SMAD3: variants seen among roughly 807,000 people sequenced by gnomAD.
SMAD3 encodes MAD homolog 3.
Under a neutral mutation model 51.8 loss-of-function variants are expected in SMAD3, and 12 were observed. That is an observed-to-expected ratio of 0.23 (90% CI 0.15 to 0.38). The LOEUF (loss-of-function observed/expected upper bound fraction) is 0.38, where lower values mean the gene tolerates loss of function less well. Among genes scored for constraint, SMAD3 ranks in the 10% least tolerant of loss-of-function variants. SMAD3 has a pLI of 1.00. For missense variants in SMAD3, 294 were observed against 565.6 expected (o/e 0.52, Z 4.87); for synonymous variants, 238 against 227.7 (o/e 1.05, Z -0.41).
chr15:67,103,586 C>G (rs1960809601), intron 1 of SMAD3, among the ~76,000 whole-genome samples: 1 of 152,148 alleles, frequency 6.6e-6, no homozygotes, highest in African/African-American at 2.4e-5. Flanking sequence ...TCCCACTCAC[C>G]CTCCCTGGGC....
chr15:67,093,184 G>A (rs1373389263), intron 1 of SMAD3, among the ~76,000 whole-genome samples: 2 of 152,224 alleles, frequency 1.3e-5, no homozygotes, highest in Non-Finnish European at 2.9e-5. Flanking sequence ...CTGGCTCCCT[G>A]AGCTTGCTGT....
intron 4 of SMAD3, 68 bp downstream of exon 4, chr15:67,166,921 C>T (rs980152445): frequency 8.3e-5 from 104 of 1,250,736 alleles, no homozygotes; most frequent in Non-Finnish European, 1.1e-4. Flanking sequence ...CCCTTCCATC[C>T]CTTCCTCTTC....
chr15:67,154,756 G>A (rs926181970), intron 1 of SMAD3, among the ~76,000 whole-genome samples: 3 of 151,996 alleles, frequency 2.0e-5, no homozygotes, highest in Non-Finnish European at 2.9e-5. Flanking sequence ...ACTACTAATC[G>A]TAATATAATC....
chr15:67,077,415 G>C (rs1960194167), intron 1 of SMAD3, among the ~76,000 whole-genome samples: 1 of 152,162 alleles, frequency 6.6e-6, no homozygotes, highest in African/African-American at 2.4e-5. Flanking sequence ...TGAGGGAGAA[G>C]GTGCTACATA....
intron 1 of SMAD3, among the ~76,000 whole-genome samples, chr15:67,067,355 G>A (rs1959949039): frequency 6.6e-6 from 1 of 152,186 alleles, no homozygotes; most frequent in Admixed American, 6.5e-5. Flanking sequence ...CCTTAGCTTA[G>A]ATGTGCCTGG....
chr15:67,189,072 T>C (rs149042588), intron 8 of SMAD3, among the ~76,000 whole-genome samples: 212 of 152,320 alleles, frequency 1.4e-3, no homozygotes, highest in African/African-American at 4.9e-3. Context: ...GCCAGAGAAA[T>C]GTTTTAAGCA....
rs1482792699 is a variant in SMAD3 at position 67,100,306 on chromosome 15, G to T, written c.206+33946G>T. On this transcript the variant is annotated intron_variant, in intron 1 of 8. Coordinates refer to ENST00000327367, the MANE Select transcript of SMAD3 (RefSeq NM_005902.4). Reference sequence around the variant, plus strand: ...TATCACATGATTCCATTCCCATGCAGTATCCCCATAGGCAAATTCACAGAG... The same window carrying T: ...TATCACATGATTCCATTCCCATGCATTATCCCCATAGGCAAATTCACAGAG... 2.6e-5 allele frequency among the ~76,000 whole-genome samples: 4 copies of T among 151,808 alleles called. No individual in the cohort carries two copies. The South Asian group carries it at 8.3e-4, about 32-fold the overall frequency.
Position 67,066,288 on chromosome 15 carries a change from C to T in SMAD3, c.134C>T (p.Thr45Met), listed in dbSNP as rs2140188999. 6.2e-7 allele frequency: 1 copy of T among 1,613,682 alleles called. No individual in the cohort carries two copies. Among genetic ancestry groups the T allele is most frequent in the Non-Finnish European group, 8.5e-7 (1 of 1,179,852 alleles). Residue 45 changes from threonine (T) to methionine (M), a missense_variant, in exon 1 of 9, where the codon ACG (threonine) becomes ATG (methionine). Transcript: ENST00000327367. ...AGCCTGGTCAAGAAACTCAAGAAGA[C>T]GGGGCAGCTGGACGAGCTGGAGAAG... ...VKSLVKKLKKTGQLDELEKAI... is the reference protein window; with the variant it reads ...VKSLVKKLKKMGQLDELEKAI...
chr15:67,164,501 C>T (rs1221898405), intron 1 of SMAD3, among the ~76,000 whole-genome samples: 2 of 152,204 alleles, frequency 1.3e-5, no homozygotes, highest in African/African-American at 4.8e-5. Flanking sequence ...ATTGTCTTCC[C>T]CAGCCCTGTC....
At chr15:67,113,095 T>TATATATATATATATATATATATATATA (rs57818600) in intron 1 of SMAD3, among the ~76,000 whole-genome samples, 1 of 91,128 alleles carries the variant, frequency 1.1e-5, no homozygotes, top group Non-Finnish European at 1.9e-5. Flanking sequence ...TATATATATA[T>TATATATATATATATATATATATATATA]TTTTTTGAGA....
chr15:67,175,445 G>A (rs1211508383), intron 5 of SMAD3, among the ~76,000 whole-genome samples: 1 of 152,064 alleles, frequency 6.6e-6, no homozygotes, highest in Non-Finnish European at 1.5e-5. Context: ...GTGTAGACTA[G>A]GATGATGGGA....
intron 6 of SMAD3, 25 bp downstream of exon 6, chr15:67,181,478 C>G (rs775394029): frequency 6.7e-7 from 1 of 1,498,082 alleles, no homozygotes; most frequent in Non-Finnish European, 9.0e-7. Flanking sequence ...CATTCCCCGC[C>G]CCCCCACCCT....
chr15:67,104,848 G>A (rs920529214), intron 1 of SMAD3, among the ~76,000 whole-genome samples: 13 of 152,256 alleles, frequency 8.5e-5, no homozygotes, highest in African/African-American at 3.1e-4. Context: ...AAGAACTGGG[G>A]TCTATGTCCT....
chr15:67,169,947 A>G (rs1430495935), intron 4 of SMAD3, among the ~76,000 whole-genome samples: 1 of 152,204 alleles, frequency 6.6e-6, no homozygotes, highest in African/African-American at 2.4e-5. Context: ...CACGTGCATC[A>G]TCATCTTTTG....
rs1963336645 is a variant in SMAD3, at chr15:67,190,570, G to A, written c.*34G>A. ...AGTATGGTAGGGGAGGGCAGGCTTG[G>A]GGAAAATGGCCATGCAGGAGGTGGA... On this transcript the variant is annotated 3_prime_UTR_variant, in exon 9 of 9. Transcript: ENST00000327367. 2 of 1,611,118 alleles carry A rather than the reference G, an allele frequency of 1.2e-6. No homozygotes were observed. The highest frequency in any genetic ancestry group is 1.7e-5 in the Admixed American group (1 of 59,948).
chr15:67,193,201 G>C lies in SMAD3; in HGVS notation c.*2665G>C, dbSNP rs1004641833. 1.3e-5 allele frequency: 3 copies of C among 233,274 alleles called. No homozygotes were observed. Among genetic ancestry groups the C allele is most frequent in the African/African-American group, 2.2e-5 (1 of 45,346 alleles). The allele number at this position is 233,274 out of a possible 1,614,324, so 14.5% of individuals were successfully genotyped here. A position where few individuals can be genotyped will look rare whatever the true frequency, so the allele number is the denominator to read the frequency against. On this transcript the variant is annotated 3_prime_UTR_variant, in exon 9 of 9. Transcript: ENST00000327367. Reference sequence around the variant, plus strand: ...CTTTTTTAAAGGACAGTTGAAAAGGGCAAGAGGAAACCAGGGCAGTTCTAG... The same window carrying C: ...CTTTTTTAAAGGACAGTTGAAAAGGCCAAGAGGAAACCAGGGCAGTTCTAG...
intron 1 of SMAD3, among the ~76,000 whole-genome samples, chr15:67,158,548 C>T (rs1196766203): frequency 6.6e-6 from 1 of 152,208 alleles, no homozygotes; most frequent in Non-Finnish European, 1.5e-5. Flanking sequence ...GTGCCTGTCT[C>T]CTTGCTATCA....
At position 67,066,179 on chromosome 15, in the gene SMAD3, C is replaced by T; in HGVS notation, c.25C>T (p.Pro9Ser). The part of the protein sequence containing the change: MSSILPFT[P>S]PIVKRLLGWK... ...CATGTCGTCCATCCTGCCTTTCACTCCCCCGATCGTGAAGCGCCTGCTGGG... is the reference window on the plus strand; with the variant it reads ...CATGTCGTCCATCCTGCCTTTCACTTCCCCGATCGTGAAGCGCCTGCTGGG... The change falls in exon 1 of 9, where the codon CCC becomes TCC. Residue 9 changes from proline to serine, a missense_variant. By Grantham distance (74) the Pro-to-Ser change is moderately conservative. Around this residue, in one of 3 missense-constraint regions of SMAD3, gnomAD observed 147 missense variants for 260.9 expected, o/e 0.56. Coordinates refer to ENST00000327367, the MANE Select transcript of SMAD3 (RefSeq NM_005902.4). The T allele has an allele frequency of 6.2e-7, 1 of 1,607,662 alleles. No individual in the cohort carries two copies. The highest frequency in any genetic ancestry group is 8.5e-7 in the Non-Finnish European group (1 of 1,177,578).
At chr15:67,181,599 G>C (rs1208727946) in intron 6 of SMAD3, 146 bp downstream of exon 6, 1 of 736,962 alleles carries the variant, frequency 1.4e-6, no homozygotes, top group East Asian at 2.7e-5. Flanking sequence ...CATGGGGGAA[G>C]ACTCACTGCC....
Sources: gnomAD v4.1 joint callset for allele counts (sites outside exome capture counted in the v4.1 genomes callset) on GRCh38, gnomAD v4.1.1 for gene constraint, gnomAD v4.1.1 regional missense constraint, MANE v1.5 for transcripts, NCBI Gene and HGNC (gene_info 2026-07-23, HGNC 2026-07-21) for gene names.